Variants in GNAL observed in about 807,000 individuals in gnomAD.
GNAL encodes the protein guanine nucleotide-binding protein G(olf) subunit alpha.
A neutral mutation model predicts 55.1 loss-of-function variants in GNAL; 18 were observed. The ratio of observed to expected loss-of-function variants is 0.33; its 90% CI spans 0.23 to 0.48. The LOEUF is 0.48. Ranked by LOEUF, GNAL falls within the 20% of genes least tolerant of loss-of-function variation. The pLI, the probability that GNAL is intolerant of heterozygous loss-of-function variation, is 0.99. For synonymous variants in GNAL, 253 were observed against 237.0 expected (o/e 1.07, Z -0.62); for missense variants, 412 against 614.1 (o/e 0.67, Z 3.48).
chr18:11,878,885 C>T (rs1307554870), intron 11 of GNAL, among the ~76,000 whole-genome samples: 1 of 151,506 alleles, frequency 6.6e-6, no homozygotes, highest in Non-Finnish European at 1.5e-5. Context: ...TATTTTTCAT[C>T]CATTCACTAC....
At chr18:11,736,778 G>C (rs2032472107) in intron 1 of GNAL, among the ~76,000 whole-genome samples, 1 of 152,216 alleles carries the variant, frequency 6.6e-6, no homozygotes, top group South Asian at 2.1e-4. Context: ...TGCTACAAAG[G>C]ACACTTGGTT....
At chr18:11,809,843 T>C (rs1284128152) in intron 4 of GNAL, among the ~76,000 whole-genome samples, 1 of 152,270 alleles carries the variant, frequency 6.6e-6, no homozygotes, top group Non-Finnish European at 1.5e-5. Flanking sequence ...ACCACAAGTA[T>C]AGAATTACAA....
intron 4 of GNAL, among the ~76,000 whole-genome samples, chr18:11,796,365 C>T (rs1483446258): frequency 6.6e-6 from 1 of 151,908 alleles, no homozygotes; most frequent in Non-Finnish European, 1.5e-5. Flanking sequence ...ATCACGAGGT[C>T]GGGAGATCGG....
chr18:11,702,262 A>G lies in GNAL; in HGVS notation c.376+12323A>G, dbSNP rs1183238257. 3 of 152,300 alleles carry G rather than the reference A, an allele frequency of 2.0e-5. No individual in the cohort carries two copies. In the East Asian group the frequency reaches 5.8e-4, roughly 29 times the overall value. 9.4% of individuals were successfully genotyped at this position (152,300 alleles called of 1,614,324 possible). ...ATCTGTAGATACAAAGCTCGCTAGCAGAGCAAGACTCAGAACGCAAGAGTG... is the reference window on the plus strand; with the variant it reads ...ATCTGTAGATACAAAGCTCGCTAGCGGAGCAAGACTCAGAACGCAAGAGTG... On this transcript the variant is annotated intron_variant, in intron 1 of 11. Coordinates refer to ENST00000334049, the MANE Select transcript of GNAL (RefSeq NM_182978.4).
At chr18:11,730,633 A>C (rs1425909364) in intron 1 of GNAL, among the ~76,000 whole-genome samples, 1 of 151,878 alleles carries the variant, frequency 6.6e-6, no homozygotes, top group African/African-American at 2.4e-5. Flanking sequence ...GCATGGTGGC[A>C]TGCACCTGTA....
At chr18:11,813,738 C>T (rs946120169) in intron 4 of GNAL, among the ~76,000 whole-genome samples, 13 of 152,118 alleles carry the variant, frequency 8.5e-5, no homozygotes, top group African/African-American at 2.9e-4. Context: ...AGATGTCAAG[C>T]GCAGTGGCAT....
At chr18:11,851,355 G>T in intron 5 of GNAL, 3 of 980,040 alleles carry the variant, frequency 3.1e-6, no homozygotes, top group Non-Finnish European at 4.3e-6. Flanking sequence ...CTCCGCCTTT[G>T]GCGCTGGGCT....
chr18:11,782,813 G>A (rs756473354), intron 4 of GNAL, among the ~76,000 whole-genome samples: 32 of 152,256 alleles, frequency 2.1e-4, no homozygotes, highest in African/African-American at 6.3e-4. Flanking sequence ...ATCTTTCTTC[G>A]TGCTGTGTTG....
In GNAL at chr18:11,781,685, T is replaced by G. The variant is rs145929453; in HGVS notation, c.624+27740T>G. On this transcript the variant is annotated intron_variant, in intron 4 of 11. Coordinates refer to ENST00000334049, the MANE Select transcript of GNAL (RefSeq NM_182978.4). ...AGCTACTTTGTGCATTTAATCATTT[T>G]ATATACTGAGGAGCTGTATTTGATA... 5.6e-3 allele frequency among the ~76,000 whole-genome samples: 854 copies of G among 152,338 alleles called. 8 individuals carry two copies. Among genetic ancestry groups the G allele is most frequent in the African/African-American group, 0.019 (803 of 41,572 alleles).
intron 1 of GNAL, among the ~76,000 whole-genome samples, chr18:11,727,708 A>G (rs1312191906): frequency 6.6e-6 from 1 of 152,226 alleles, no homozygotes; most frequent in African/African-American, 2.4e-5. Flanking sequence ...TAAGGTAGAG[A>G]GGAGGAGTTT....
intron 4 of GNAL, among the ~76,000 whole-genome samples, chr18:11,806,506 A>G (rs1317181654): frequency 3.3e-5 from 5 of 152,166 alleles, no homozygotes; most frequent in East Asian, 3.9e-4. Context: ...ATCCATCTTC[A>G]GTCGATTTTT....
At chr18:11,737,476 T>A (rs1036047122) in intron 1 of GNAL, among the ~76,000 whole-genome samples, 7 of 152,328 alleles carry the variant, frequency 4.6e-5, no homozygotes, top group African/African-American at 1.4e-4. Context: ...CTCTTCTGAA[T>A]GTCTGTTGCA....
chr18:11,875,995 T>C (rs2143913073), intron 10 of GNAL, among the ~76,000 whole-genome samples: 1 of 152,288 alleles, frequency 6.6e-6, no homozygotes, highest in East Asian at 1.9e-4. Flanking sequence ...TATAATCCCA[T>C]CCATGAAGGC....
chr18:11,806,960 A>C (rs980347578), intron 4 of GNAL, among the ~76,000 whole-genome samples: 1 of 152,096 alleles, frequency 6.6e-6, no homozygotes, highest in Admixed American at 6.5e-5. Flanking sequence ...AGTCATCACA[A>C]CTGGCCTGGC....
intron 5 of GNAL, among the ~76,000 whole-genome samples, chr18:11,836,343 G>T (rs995234732): frequency 1.1e-4 from 16 of 152,064 alleles, no homozygotes; most frequent in African/African-American, 3.9e-4. Flanking sequence ...CTACTCAGGA[G>T]GCTGAGACAG....
rs750015298 is a variant in GNAL, at chr18:11,689,695, C to T, written c.132C>T (p.Ala44=). The change falls in exon 1 of 12, where the codon GCC becomes GCT. Residue 44 remains alanine (A), a synonymous_variant. Transcript: ENST00000334049. The part of the protein sequence containing the change: ...PAPALAPVRA[A]ARDTARTLLP... ...CGGCCCTGGCCCCAGTCCGGGCGGC[C>T]GCAAGGGACACGGCCCGGACCCTGC... 23 of 1,471,848 alleles carry T rather than the reference C, an allele frequency of 1.6e-5. No homozygotes were observed. The South Asian group carries it at 3.0e-4, about 19-fold the overall frequency. The allele number at this position is 1,471,848 out of a possible 1,614,324, so 91.2% of individuals were successfully genotyped here.
At position 11,815,550 on chromosome 18, in the gene GNAL, A is replaced by AG. The variant is rs1167047145; in HGVS notation, c.625-9363dup. Reference sequence around the variant, plus strand: ...AGCTCTCACGAGCACTAAGTCACCGAGGGGGAAGTCTGCCTCCATGATCCA... The same window carrying AG: ...AGCTCTCACGAGCACTAAGTCACCGAGGGGGGAAGTCTGCCTCCATGATCCA... On this transcript the variant is annotated intron_variant, in intron 4 of 11. Transcript: ENST00000334049. Among the ~76,000 whole-genome samples the AG allele has an allele frequency of 1.1e-4, 17 of 152,288 alleles. No individual in the cohort carries two copies. In the East Asian group the frequency reaches 3.3e-3, roughly 29 times the overall value.
In GNAL at chr18:11,752,307, G is replaced by A; in HGVS notation, c.377-546G>A. The A allele has an allele frequency of 6.9e-7, 1 of 1,453,098 alleles. No individual in the cohort carries two copies. The highest frequency in any genetic ancestry group is 9.0e-7 in the Non-Finnish European group (1 of 1,106,898). 90.0% of individuals were successfully genotyped at this position (1,453,098 alleles called of 1,614,324 possible). ...CTGCTCTGAATCGGAAAACACCGAA[G>A]AGACCAGACCATCTCTTTCAGCAGC... On this transcript the variant is annotated intron_variant, in intron 1 of 11. Transcript: ENST00000334049. This position sits in a 1 kb window ranked among gnomAD's most constrained non-coding sequence, Gnocchi z 4.5.
intron 4 of GNAL, among the ~76,000 whole-genome samples, chr18:11,801,730 GT>G (rs34858453): frequency 0.25 from 37,741 of 152,002 alleles, 5,592 homozygotes; most frequent in African/African-American, 0.41. Context: ...CCTTGCTGAT[GT>G]GATGGATGTG....
Sources: allele counts gnomAD v4.1 joint callset (sites outside exome capture counted in the v4.1 genomes callset), GRCh38; gene constraint gnomAD v4.1.1; non-coding constraint Gnocchi (gnomAD v3.1); transcripts MANE v1.5; gene names NCBI Gene and HGNC (gene_info 2026-07-23, HGNC 2026-07-21).